The following SYN3 variants were observed in gnomAD, a reference collection of about 807,000 sequenced individuals.
SYN3 encodes synapsin III.
SYN3 carries 35 observed loss-of-function variants against 65.8 expected under a neutral mutation model. That is an observed-to-expected ratio of 0.53 (90% CI 0.41 to 0.70). The LOEUF is 0.70. SYN3 is among the 30% of genes least tolerant of loss of function. The pLI is 0.00. For missense variants in SYN3, 680 were observed against 749.0 expected (o/e 0.91, Z 1.08); for synonymous variants, 270 against 292.9 (o/e 0.92, Z 0.80).
In SYN3 at chr22:32,617,481, T is replaced by C. The variant is rs189903254; in HGVS notation, c.712-20745A>G. 3.2e-3 allele frequency among the ~76,000 whole-genome samples: 482 copies of C among 151,896 alleles called. 1 individual carries two copies. Among genetic ancestry groups the C allele is most frequent in the African/African-American group, 0.011 (459 of 41,434 alleles). On this transcript the variant is annotated intron_variant, in intron 6 of 13. Coordinates refer to ENST00000358763, the MANE Select transcript of SYN3 (RefSeq NM_003490.4). ...CATGACACATCTTTTTTTTTCTTTTTTTTTTTTTAAAGAGAGAGAGCCCCT... is the reference window on the plus strand; with the variant it reads ...CATGACACATCTTTTTTTTTCTTTTCTTTTTTTTAAAGAGAGAGAGCCCCT...
At chr22:32,523,269 T>G (rs1477388503) in intron 12 of SYN3, among the ~76,000 whole-genome samples, 1 of 152,122 alleles carries the variant, frequency 6.6e-6, no homozygotes, top group Non-Finnish European at 1.5e-5. Flanking sequence ...TCCCAGCACT[T>G]TGGGAGGCCA....
At chr22:32,598,034 G>T (rs1464297321) in intron 6 of SYN3, among the ~76,000 whole-genome samples, 3 of 152,184 alleles carry the variant, frequency 2.0e-5, no homozygotes, top group Admixed American at 1.3e-4. Flanking sequence ...CATTGCGTGA[G>T]GGCAAAGGTT....
chr22:32,945,424 A>G (rs1295846403), intron 3 of SYN3, among the ~76,000 whole-genome samples: 3 of 152,170 alleles, frequency 2.0e-5, no homozygotes, highest in Non-Finnish European at 4.4e-5. Flanking sequence ...AAACCTGACA[A>G]AAACAAGAAA....
intron 6 of SYN3, among the ~76,000 whole-genome samples, chr22:32,830,083 A>G (rs1476488036): frequency 6.6e-6 from 1 of 152,178 alleles, no homozygotes; most frequent in Non-Finnish European, 1.5e-5. Flanking sequence ...TTTCAGGAGG[A>G]GGAAGGTTGG....
chr22:32,522,954 T>C (rs907663849), intron 12 of SYN3, among the ~76,000 whole-genome samples: 1 of 152,188 alleles, frequency 6.6e-6, no homozygotes, highest in Non-Finnish European at 1.5e-5. Context: ...CTTGTTTTAT[T>C]GTGGTCCATT....
chr22:32,756,307 G>A (rs2045291126), intron 6 of SYN3, among the ~76,000 whole-genome samples: 1 of 151,938 alleles, frequency 6.6e-6, no homozygotes, highest in Non-Finnish European at 1.5e-5. Flanking sequence ...AGCATTAGGA[G>A]ATATACCTAA....
chr22:32,939,975 A>G (rs1241337864), intron 3 of SYN3, among the ~76,000 whole-genome samples: 1 of 152,206 alleles, frequency 6.6e-6, no homozygotes, highest in Non-Finnish European at 1.5e-5. Context: ...CGTTAGCAAT[A>G]TGAGAATTAC....
chr22:32,786,917 G>A (rs1366593566), intron 6 of SYN3, among the ~76,000 whole-genome samples: 1 of 152,088 alleles, frequency 6.6e-6, no homozygotes, highest in African/African-American at 2.4e-5. Context: ...CAGACTCTGG[G>A]GGCTGGAAGG....
chr22:32,804,706 G>A (rs1218417615), intron 6 of SYN3, among the ~76,000 whole-genome samples: 5 of 152,182 alleles, frequency 3.3e-5, no homozygotes, highest in Non-Finnish European at 7.3e-5. Flanking sequence ...GGGAGGAGGA[G>A]TTAAAAGGTG....
chr22:32,600,685 TTAATA>T (rs2059268946), intron 6 of SYN3, among the ~76,000 whole-genome samples: 1 of 119,268 alleles, frequency 8.4e-6, no homozygotes, highest in Non-Finnish European at 1.6e-5. Context: ...TTTATGCAAC[TTAATA>T]TGATTTTTTT....
chr22:32,808,139 A>T (rs1050425449), intron 6 of SYN3, among the ~76,000 whole-genome samples: 3 of 152,140 alleles, frequency 2.0e-5, no homozygotes, highest in Admixed American at 2.0e-4. Context: ...AGCTTTATGT[A>T]TTTATTTTGC....
intron 1 of SYN3, among the ~76,000 whole-genome samples, chr22:33,021,152 C>A (rs531107478): frequency 6.6e-6 from 1 of 152,266 alleles, no homozygotes; most frequent in Non-Finnish European, 1.5e-5. Context: ...ATGGATCTGA[C>A]TTTGAGCCCC....
chr22:32,698,718 T>C (rs1157404507), intron 6 of SYN3, among the ~76,000 whole-genome samples: 2 of 152,206 alleles, frequency 1.3e-5, no homozygotes, highest in Non-Finnish European at 2.9e-5. Flanking sequence ...TAAATGCAAT[T>C]GGAAATACAC....
At chr22:33,015,749 CTT>C (rs750628766) in intron 1 of SYN3, among the ~76,000 whole-genome samples, 1 of 151,946 alleles carries the variant, frequency 6.6e-6, no homozygotes, top group Non-Finnish European at 1.5e-5. Flanking sequence ...AATCTTGTAA[CTT>C]AATAGGACTT....
intron 4 of SYN3, among the ~76,000 whole-genome samples, chr22:32,926,447 T>C (rs1300181249): frequency 1.3e-5 from 2 of 152,230 alleles, no homozygotes; most frequent in African/African-American, 4.8e-5. Context: ...ATAGTGCTTA[T>C]ACATTTAAAA....
chr22:32,818,724 A>G (rs528642800), intron 6 of SYN3, among the ~76,000 whole-genome samples: 283 of 152,190 alleles, frequency 1.9e-3, no homozygotes, highest in Non-Finnish European at 2.9e-3. Flanking sequence ...AGCTGATGTC[A>G]CTGTGGCCGG....
chr22:32,979,896 G>A (rs1377396950), intron 3 of SYN3, among the ~76,000 whole-genome samples: 5 of 152,090 alleles, frequency 3.3e-5, no homozygotes, highest in African/African-American at 1.2e-4. Flanking sequence ...CTGGAGTATG[G>A]CTCCAGAACC....
chr22:32,591,440 C>A (rs1601710201), intron 7 of SYN3, among the ~76,000 whole-genome samples: 2 of 152,182 alleles, frequency 1.3e-5, no homozygotes, highest in Non-Finnish European at 2.9e-5. Flanking sequence ...TTTCTACTTA[C>A]TTTTCCGTTC....
chr22:32,830,187 T>G (rs1412900650), intron 6 of SYN3, among the ~76,000 whole-genome samples: 4 of 152,178 alleles, frequency 2.6e-5, no homozygotes, highest in African/African-American at 9.6e-5. Flanking sequence ...TTCGTCCTTT[T>G]TCCCGCTGCC....
Sources: gnomAD v4.1 joint callset for allele counts (sites outside exome capture counted in the v4.1 genomes callset) on GRCh38, gnomAD v4.1.1 for gene constraint, MANE v1.5 for transcripts, NCBI Gene and HGNC (gene_info 2026-07-23, HGNC 2026-07-21) for gene names.